Variants in TP53BP1 observed in about 807,000 individuals in gnomAD.
The protein encoded by TP53BP1 is TP53-binding protein 1.
TP53BP1 carries 61 observed loss-of-function variants against 200.8 expected under a neutral mutation model. The observed-to-expected ratio is 0.30, with a 90% CI of 0.25 to 0.38. The LOEUF (loss-of-function observed/expected upper bound fraction) is 0.38, where lower values mean the gene tolerates loss of function less well. TP53BP1 is among the 10% of genes least tolerant of loss of function. The pLI is 1.00. For missense variants in TP53BP1, 2,144 were observed against 2,371.9 expected, an observed-to-expected ratio of 0.90 and a Z score of 2.00; for synonymous variants, 822 against 844.3, an observed-to-expected ratio of 0.97 and a Z score of 0.46.
intron 17 of TP53BP1, among the ~76,000 whole-genome samples, chr15:43,428,962 G>A (rs1269887194): frequency 1.3e-5 from 2 of 152,130 alleles, no homozygotes; most frequent in Non-Finnish European, 2.9e-5. Flanking sequence ...ACAAATAACT[G>A]CTGGAAAATT....
At chr15:43,432,083 G>A (rs2045683322) in intron 17 of TP53BP1, 111 bp downstream of exon 17, 1 of 1,453,736 alleles carries the variant, frequency 6.9e-7, no homozygotes, top group South Asian at 1.4e-5. Flanking sequence ...CCACTGTTCT[G>A]TACAAAACTG....
chr15:43,508,950 C>G (rs1452102527), intron 1 of TP53BP1, among the ~76,000 whole-genome samples: 3 of 152,102 alleles, frequency 2.0e-5, no homozygotes, highest in Non-Finnish European at 4.4e-5. Context: ...CCATTCAGAT[C>G]TATTGTCTAG....
chr15:43,413,204 G>C lies in TP53BP1; in HGVS notation c.5220C>G (p.Leu1740=), dbSNP rs2045171085. The change falls in exon 24 of 28, where the codon CTC becomes CTG. Residue 1740 remains leucine (L), a synonymous_variant. Transcript: ENST00000382044. ...TGTCACTGGTTGTGGCCATGGTAAGGAGAAATGCGTAGCCCAGAAACAAGG... is the reference window on the plus strand; with the variant it reads ...TGTCACTGGTTGTGGCCATGGTAAGCAGAAATGCGTAGCCCAGAAACAAGG... ...NKTLFLGYAF[L]LTMATTSDKL... 1 of 1,614,070 alleles carries C rather than the reference G, an allele frequency of 6.2e-7. No individual in the cohort carries two copies. The highest frequency in any genetic ancestry group is 1.1e-5 in the South Asian group (1 of 91,080).
chr15:43,442,271 C>G (rs45491194), intron 14 of TP53BP1, among the ~76,000 whole-genome samples: 8 of 151,400 alleles, frequency 5.3e-5, no homozygotes, highest in African/African-American at 1.7e-4. Flanking sequence ...TATTTTTAGT[C>G]GAGACGGGGT....
At chr15:43,409,251 TG>T in intron 25 of TP53BP1, 155 bp from the exon 26 acceptor site, 3 of 666,310 alleles carry the variant, frequency 4.5e-6, no homozygotes, top group Non-Finnish European at 7.7e-6. Context: ...CTCTTCTCAC[TG>T]GAAGGCCCAA....
At chr15:43,495,890 A>G (rs1054497670), upstream of TP53BP1, among the ~76,000 whole-genome samples, 1 of 152,138 alleles carries the variant, frequency 6.6e-6, no homozygotes, top group African/African-American at 2.4e-5. Context: ...CATTTGCATT[A>G]CTAAACAAGA....
chr15:43,489,272 C>A (rs1410552624), intron 4 of TP53BP1, among the ~76,000 whole-genome samples: 1 of 152,242 alleles, frequency 6.6e-6, no homozygotes, highest in African/African-American at 2.4e-5. Flanking sequence ...AAAGCACATG[C>A]CACAGTGCCT....
chr15:43,407,020 G>A lies in TP53BP1; in HGVS notation c.*363C>T. ...CCTACCTTAAACTGAGTTTCTGCAA[G>A]CATAGCATTTTAGACACCCTGGAAT... On this transcript the variant is annotated 3_prime_UTR_variant, in exon 28 of 28. Transcript: ENST00000382044. The A allele has an allele frequency of 4.2e-6, 1 of 240,320 alleles. No homozygotes were observed. Among genetic ancestry groups the A allele is most frequent in the African/African-American group, 2.3e-5 (1 of 44,106 alleles). The allele number at this position is 240,320 out of a possible 1,614,324, so 14.9% of individuals were successfully genotyped here. A position where few individuals can be genotyped will look rare whatever the true frequency, so the allele number is the denominator to read the frequency against.
intron 15 of TP53BP1, 76 bp downstream of exon 15, chr15:43,441,450 C>G (rs990053966): frequency 1.0e-6 from 1 of 969,434 alleles, no homozygotes; most frequent in African/African-American, 1.6e-5. Flanking sequence ...TAACTTTTTT[C>G]CTTTGTTGAT....
At chr15:43,483,330 T>C (rs377707768) in intron 4 of TP53BP1, among the ~76,000 whole-genome samples, 2 of 151,266 alleles carry the variant, frequency 1.3e-5, no homozygotes, top group East Asian at 3.9e-4. Flanking sequence ...AATAAAAAAC[T>C]TGGGGAATAT....
rs188368792 is a variant in TP53BP1, at chr15:43,462,009, G to A, written c.1390-4791C>T. ...ACATTTTATAATATATAATCTTCAT[G>A]TAATTTTAGTTAATAAACATATATC... is the stretch of plus-strand genomic sequence containing the variant. On this transcript the variant is annotated intron_variant, in intron 11 of 27. Transcript: ENST00000382044. 1.9e-3 allele frequency among the ~76,000 whole-genome samples: 291 copies of A among 151,268 alleles called. 2 individuals are homozygous for A. Among genetic ancestry groups the A allele is most frequent in the African/African-American group, 6.6e-3 (271 of 41,318 alleles).
At chr15:43,477,463 GT>G (rs2078901168) in intron 8 of TP53BP1, 129 bp downstream of exon 8, 1 of 819,572 alleles carries the variant, frequency 1.2e-6, no homozygotes, top group African/African-American at 1.7e-5. Context: ...CTAGAAACAC[GT>G]TTTCCTTCCA....
At position 43,406,635 on chromosome 15, in the gene TP53BP1, A is replaced by T. The variant is rs2044899651; in HGVS notation, c.*748T>A. 2.2e-6 allele frequency: 1 copy of T among 456,056 alleles called. No homozygotes were observed. Among genetic ancestry groups the T allele is most frequent in the Non-Finnish European group, 4.4e-6 (1 of 226,782 alleles). 28.3% of individuals were successfully genotyped at this position (456,056 alleles called of 1,614,324 possible). ...TTGTTGACCCCTGCTTTAGAGAATG[A>T]GAAGCCATGCAGGGATCAGTGATGC... On this transcript the variant is annotated 3_prime_UTR_variant, in exon 28 of 28. Transcript: ENST00000382044.
intron 1 of TP53BP1, among the ~76,000 whole-genome samples, chr15:43,499,825 A>G (rs1459430774): frequency 6.6e-6 from 1 of 152,236 alleles, no homozygotes; most frequent in Non-Finnish European, 1.5e-5. Flanking sequence ...GCAGTGTATA[A>G]GGATGAGTAA....
intron 4 of TP53BP1, among the ~76,000 whole-genome samples, chr15:43,486,139 G>A (rs1175614109): frequency 6.6e-6 from 1 of 152,160 alleles, no homozygotes; most frequent in Non-Finnish European, 1.5e-5. Context: ...CAGTTTGGGA[G>A]GCTGAGGGGG....
At chr15:43,407,822 T>G in intron 27 of TP53BP1, 121 bp downstream of exon 27, 1 of 1,075,646 alleles carries the variant, frequency 9.3e-7, no homozygotes, top group Non-Finnish European at 1.3e-6. Flanking sequence ...GGTACTTTTC[T>G]TCTCTAAGAA....
intron 11 of TP53BP1, among the ~76,000 whole-genome samples, chr15:43,468,116 G>T (rs1169372713): frequency 2.0e-5 from 3 of 151,426 alleles, no homozygotes; most frequent in African/African-American, 7.3e-5. Context: ...TTTGAGACAG[G>T]GTCTTGCTAT....
At chr15:43,493,616 A>G (rs2079159838), upstream of TP53BP1, among the ~76,000 whole-genome samples, 1 of 152,070 alleles carries the variant, frequency 6.6e-6, no homozygotes, top group African/African-American at 2.4e-5. Context: ...TTCTTCTTTG[A>G]CACAGGGTTA....
chr15:43,419,771 T>C (rs1456863939), intron 21 of TP53BP1, among the ~76,000 whole-genome samples: 2 of 151,892 alleles, frequency 1.3e-5, no homozygotes, highest in Non-Finnish European at 2.9e-5. Flanking sequence ...TTCCACAAAA[T>C]ACCTGACCAG....
Sources: gnomAD v4.1 joint callset for allele counts (sites outside exome capture counted in the v4.1 genomes callset) on GRCh38, gnomAD v4.1.1 for gene constraint, MANE v1.5 for transcripts, NCBI Gene and HGNC (gene_info 2026-07-23, HGNC 2026-07-21) for gene names.